Variants in RAP1GAP2 observed in about 807,000 individuals in gnomAD.
RAP1GAP2 encodes the protein rap1 GTPase-activating protein 2.
RAP1GAP2 carries 27 observed loss-of-function variants against 95.0 expected under a neutral mutation model. That is an observed-to-expected ratio of 0.28 (90% CI 0.21 to 0.39). RAP1GAP2 has a LOEUF of 0.39. RAP1GAP2 is among the 10% of genes least tolerant of loss of function. RAP1GAP2 has a pLI of 1.00. For synonymous variants in RAP1GAP2, 373 were observed against 380.9 expected (o/e 0.98, Z 0.24); for missense variants, 771 against 970.0 (o/e 0.79, Z 2.72).
chr17:2,925,495 A>G (rs1597625161), intron 3 of RAP1GAP2, among the ~76,000 whole-genome samples: 1 of 152,234 alleles, frequency 6.6e-6, no homozygotes, highest in South Asian at 2.1e-4. Flanking sequence ...GAACTCACTC[A>G]CTGTCACGAG....
At chr17:2,931,622 GTT>G (rs2043160186) in intron 3 of RAP1GAP2, among the ~76,000 whole-genome samples, 1 of 152,230 alleles carries the variant, frequency 6.6e-6, no homozygotes, top group Non-Finnish European at 1.5e-5. Context: ...CCCCCATGCG[GTT>G]GTTCATGTAT....
intron 8 of RAP1GAP2, among the ~76,000 whole-genome samples, chr17:2,967,357 T>C (rs756529204): frequency 6.6e-6 from 1 of 151,744 alleles, no homozygotes; most frequent in Non-Finnish European, 1.5e-5. Context: ...GGCGACAGAG[T>C]GAGACTCTGT....
chr17:2,792,759 G>C (rs2068959452), upstream of RAP1GAP2, among the ~76,000 whole-genome samples: 1 of 152,256 alleles, frequency 6.6e-6, no homozygotes, highest in Non-Finnish European at 1.5e-5. Flanking sequence ...CCCCCCGGTG[G>C]GGGAAACCAG....
rs2047438476 is a variant in RAP1GAP2, at chr17:3,035,221, C to T, written c.*1860C>T. ...TATGAAGAGTCACCGTAGCAGCCCC[C>T]ACGGCTGGAAAGAGGCCTGTACGTT... On this transcript the variant is annotated 3_prime_UTR_variant, in exon 25 of 25. Coordinates refer to ENST00000254695, the MANE Select transcript of RAP1GAP2 (RefSeq NM_015085.5). This position sits in a 1 kb window ranked among gnomAD's most constrained non-coding sequence, Gnocchi z 4.3. The T allele has an allele frequency of 6.6e-6, 1 of 152,566 alleles. No individual in the cohort carries two copies. Among genetic ancestry groups the T allele is most frequent in the Admixed American group, 6.5e-5 (1 of 15,292 alleles). 9.5% of individuals were successfully genotyped at this position (152,566 alleles called of 1,614,324 possible).
rs184576594 is a variant in RAP1GAP2, at chr17:2,824,708, C to G, written c.80+24158C>G. ...TGAGCCGAGATTGCGCCATTGCACT[C>G]CAGCCTGGGTGACAAAAGCGAAACT... is the stretch of plus-strand genomic sequence containing the variant. On this transcript the variant is annotated intron_variant, in intron 2 of 24. Coordinates refer to ENST00000254695, the MANE Select transcript of RAP1GAP2 (RefSeq NM_015085.5). Among the ~76,000 whole-genome samples the G allele has an allele frequency of 2.7e-3, 400 of 148,158 alleles. 2 individuals are homozygous for G. Among genetic ancestry groups the G allele is most frequent in the Middle Eastern group, 0.017 (5 of 288 alleles).
chr17:2,926,890 C>T (rs558531895), intron 3 of RAP1GAP2, among the ~76,000 whole-genome samples: 31 of 151,168 alleles, frequency 2.1e-4, no homozygotes, highest in Admixed American at 1.8e-3. Flanking sequence ...CCTGTAGTCC[C>T]AGCTACTTGG....
chr17:2,786,946 CTTTTTTTTTT>C (rs67990731), intron 1 of RAP1GAP2, among the ~76,000 whole-genome samples: 13 of 58,252 alleles, frequency 2.2e-4, no homozygotes, highest in African/African-American at 9.0e-4. Flanking sequence ...CGCTCCCAGC[CTTTTTTTTTT>C]TTTTTTTTTT....
At chr17:2,886,177 T>A (rs796886548) in intron 2 of RAP1GAP2, among the ~76,000 whole-genome samples, 18,285 of 140,556 alleles carry the variant, frequency 0.13, 1,648 homozygotes, top group Non-Finnish European at 0.19. Flanking sequence ...ATATATTTTT[T>A]TTTTTTTTTT....
intron 8 of RAP1GAP2, among the ~76,000 whole-genome samples, chr17:2,980,043 C>T (rs181792615): frequency 2.0e-5 from 3 of 152,004 alleles, no homozygotes; most frequent in Non-Finnish European, 2.9e-5. Context: ...CGGGTTCAAG[C>T]GATTCTCCTG....
chr17:2,969,668 A>T (rs2044773438), intron 8 of RAP1GAP2, among the ~76,000 whole-genome samples: 1 of 151,270 alleles, frequency 6.6e-6, no homozygotes, highest in South Asian at 2.1e-4. Context: ...CACCTGGCTA[A>T]TTTTTTTGTA....
chr17:2,776,103 C>T (rs1197284170), upstream of RAP1GAP2, among the ~76,000 whole-genome samples: 4 of 152,152 alleles, frequency 2.6e-5, no homozygotes, highest in South Asian at 6.2e-4. Context: ...CGCTTGAACC[C>T]GGGAGGCGGA....
rs940060283 is a variant in RAP1GAP2, at chr17:2,826,789, C to T, written c.80+26239C>T. 4.8e-4 allele frequency among the ~76,000 whole-genome samples: 73 copies of T among 152,228 alleles called. 1 individual carries two copies. Among genetic ancestry groups the T allele is most frequent in the Admixed American group, 1.8e-3 (28 of 15,284 alleles). Reference sequence around the variant, plus strand: ...TTGGGAGGCTGAGGCGGGCGGATCACGAGGTCAAGAGATCGAGACCATCCT... The same window carrying T: ...TTGGGAGGCTGAGGCGGGCGGATCATGAGGTCAAGAGATCGAGACCATCCT... On this transcript the variant is annotated intron_variant, in intron 2 of 24. Transcript: ENST00000254695.
At chr17:2,959,491 A>G (rs1337254049) in intron 4 of RAP1GAP2, among the ~76,000 whole-genome samples, 1 of 152,164 alleles carries the variant, frequency 6.6e-6, no homozygotes, top group Admixed American at 6.5e-5. Context: ...GTTCACTCTT[A>G]GTAAGAAGCT....
chr17:2,837,114 G>A (rs1304504079), intron 2 of RAP1GAP2, among the ~76,000 whole-genome samples: 1 of 152,040 alleles, frequency 6.6e-6, no homozygotes, highest in African/African-American at 2.4e-5. Context: ...AACTAAGCAT[G>A]GTGGTGCACA....
intron 8 of RAP1GAP2, among the ~76,000 whole-genome samples, chr17:2,966,844 A>G (rs1363144552): frequency 6.6e-6 from 1 of 152,210 alleles, no homozygotes; most frequent in Non-Finnish European, 1.5e-5. Flanking sequence ...GAGACTGGGT[A>G]GCATTTTTGA....
chr17:3,005,476 C>T lies in RAP1GAP2; in HGVS notation c.1272+36C>T, dbSNP rs200472542. On this transcript the variant is annotated intron_variant, in intron 15 of 24. Transcript: ENST00000254695. This position sits in a 1 kb window ranked among gnomAD's most constrained non-coding sequence, Gnocchi z 5.2. ...CTTCCTTCTGCCCCTCTCGCATCCA[C>T]GATGCCAGGTCTCAGTGCTTGAGTA... is the stretch of plus-strand genomic sequence containing the variant. 3.3e-4 allele frequency: 524 copies of T among 1,576,050 alleles called. 1 individual carries two copies. The African/African-American group carries it at 5.4e-3, about 16-fold the overall frequency.
In RAP1GAP2 at chr17:2,778,619, G is replaced by A. The variant is rs181959632; in HGVS notation, c.-14+1341G>A. Among the ~76,000 whole-genome samples the A allele has an allele frequency of 1.5e-3, 227 of 152,254 alleles. 6 individuals are homozygous for A. Among genetic ancestry groups the A allele is most frequent in the Non-Finnish European group, 7.1e-4 (48 of 68,016 alleles). The stretch of plus-strand genomic sequence containing the variant: ...GAAAGGGACCCTGGCATGGATGGGG[G>A]TGGTGGCAGGGTCACATAGTGGCTA... On this transcript the variant is annotated intron_variant, in intron 1 of 24. Transcript: ENST00000540393.
chr17:2,878,321 AC>A (rs965697357), intron 2 of RAP1GAP2, among the ~76,000 whole-genome samples: 4 of 151,018 alleles, frequency 2.6e-5, no homozygotes, highest in African/African-American at 9.8e-5. Flanking sequence ...TGCCTGTGAG[AC>A]CCCCCCGGGG....
At chr17:3,031,823 G>A (rs2047316342) in intron 23 of RAP1GAP2, among the ~76,000 whole-genome samples, 1 of 142,528 alleles carries the variant, frequency 7.0e-6, no homozygotes. Flanking sequence ...GGGTCCCCCA[G>A]TCCCTTCCTG....
Sources: gnomAD v4.1 joint callset for allele counts (sites outside exome capture counted in the v4.1 genomes callset) on GRCh38, gnomAD v4.1.1 for gene constraint, Gnocchi (gnomAD v3.1) non-coding constraint, MANE v1.5 for transcripts, NCBI Gene and HGNC (gene_info 2026-07-23, HGNC 2026-07-21) for gene names.